The following PRKCE variants were observed in gnomAD, a reference collection of about 807,000 sequenced individuals.
PRKCE encodes protein kinase C epsilon.
Under a neutral mutation model 85.4 loss-of-function variants are expected in PRKCE, and 16 were observed. The observed-to-expected ratio is 0.19, with a 90% confidence interval of 0.13 to 0.28. The LOEUF is 0.28. PRKCE is among the 10% of genes least tolerant of loss of function. PRKCE has a pLI of 1.00. For missense variants in PRKCE, 573 were observed against 975.2 expected, an observed-to-expected ratio of 0.59 and a Z score of 5.49; for synonymous variants, 388 against 371.5, an observed-to-expected ratio of 1.04 and a Z score of -0.51.
At chr2:46,165,221 G>C (rs192429127) in intron 14 of PRKCE, among the ~76,000 whole-genome samples, 126 of 152,254 alleles carry the variant, frequency 8.3e-4, no homozygotes, top group Non-Finnish European at 1.7e-3. Flanking sequence ...CCTGTCTTTC[G>C]TTCTCTCAGC....
intron 2 of PRKCE, among the ~76,000 whole-genome samples, chr2:45,871,851 G>A (rs1016812007): frequency 2.6e-5 from 4 of 152,152 alleles, no homozygotes; most frequent in Admixed American, 6.5e-5. Flanking sequence ...TACACACTGC[G>A]GAGTTTGATG....
At chr2:46,066,421 G>T (rs995960725) in intron 10 of PRKCE, among the ~76,000 whole-genome samples, 1 of 152,120 alleles carries the variant, frequency 6.6e-6, no homozygotes, top group Non-Finnish European at 1.5e-5. Flanking sequence ...GGTTGAATTG[G>T]CTAAGGCTGT....
intron 1 of PRKCE, among the ~76,000 whole-genome samples, chr2:45,739,853 T>C (rs1558617520): frequency 6.6e-6 from 1 of 152,338 alleles, no homozygotes; most frequent in East Asian, 1.9e-4. Context: ...TAAATTATAC[T>C]TGAATAAAAA....
At chr2:45,918,196 C>G (rs925853695) in intron 2 of PRKCE, among the ~76,000 whole-genome samples, 1 of 152,138 alleles carries the variant, frequency 6.6e-6, no homozygotes, top group Non-Finnish European at 1.5e-5. Context: ...GCACCGAGAG[C>G]GAGCGAGGGC....
chr2:45,655,605 C>T (rs1401878724), intron 1 of PRKCE, among the ~76,000 whole-genome samples: 9 of 151,998 alleles, frequency 5.9e-5, no homozygotes, highest in East Asian at 1.9e-4. Context: ...CTGGGAGGAC[C>T]GTTTGAGTCC....
At chr2:46,171,824 C>G (rs1678928491) in intron 14 of PRKCE, among the ~76,000 whole-genome samples, 1 of 152,160 alleles carries the variant, frequency 6.6e-6, no homozygotes. Context: ...AAACACAAGG[C>G]AGATGCGCAT....
chr2:45,745,473 T>G (rs892695938), intron 1 of PRKCE, among the ~76,000 whole-genome samples: 2 of 152,196 alleles, frequency 1.3e-5, no homozygotes, highest in African/African-American at 4.8e-5. Context: ...CGCTCTGCCC[T>G]TGGGAGACCT....
intron 2 of PRKCE, among the ~76,000 whole-genome samples, chr2:45,880,605 C>T (rs1352855959): frequency 2.0e-5 from 3 of 151,720 alleles, no homozygotes; most frequent in African/African-American, 7.3e-5. Flanking sequence ...CTGTTTACTC[C>T]CTGGACAGCA....
chr2:45,761,396 A>G (rs1471503394), intron 1 of PRKCE, among the ~76,000 whole-genome samples: 1 of 151,730 alleles, frequency 6.6e-6, no homozygotes, highest in African/African-American at 2.4e-5. Flanking sequence ...GCTTTGCCTC[A>G]ATTCCTCCTA....
At chr2:46,029,522 C>T (rs947460895) in intron 10 of PRKCE, among the ~76,000 whole-genome samples, 1 of 152,156 alleles carries the variant, frequency 6.6e-6, no homozygotes, top group Non-Finnish European at 1.5e-5. Context: ...CCACTAACGC[C>T]ACCCTTTGTG....
Position 46,001,666 on chromosome 2 carries a change from G to C in PRKCE, c.966+120G>C. On this transcript the variant is annotated intron_variant, in intron 7 of 14. Coordinates refer to ENST00000306156, the MANE Select transcript of PRKCE (RefSeq NM_005400.3). This position sits in a 1 kb window ranked among gnomAD's most constrained non-coding sequence, Gnocchi z 4.4. ...TCCTGGGTTTGAGGTATTTTACTCA[G>C]AACTGCAGTACTTAAAGAAAAAAAC... 8.5e-7 allele frequency: 1 copy of C among 1,169,766 alleles called. No individual in the cohort carries two copies. Among genetic ancestry groups the C allele is most frequent in the Non-Finnish European group, 1.1e-6 (1 of 879,770 alleles). 72.5% of individuals were successfully genotyped at this position (1,169,766 alleles called of 1,614,324 possible).
At chr2:45,925,174 T>C (rs578262141) in intron 2 of PRKCE, among the ~76,000 whole-genome samples, 1 of 152,344 alleles carries the variant, frequency 6.6e-6, no homozygotes, top group East Asian at 1.9e-4. Context: ...ATGTCCAGTT[T>C]CTCATTTCCA....
intron 5 of PRKCE, among the ~76,000 whole-genome samples, chr2:45,982,253 A>G (rs1052777383): frequency 6.2e-5 from 9 of 145,934 alleles, no homozygotes; most frequent in African/African-American, 2.3e-4. Context: ...ACTGCTGGGG[A>G]CCAAACTTTG....
chr2:46,004,607 C>A lies in PRKCE; in HGVS notation c.1032C>A (p.Ser344=). Residue 344 remains serine (S), a synonymous_variant, in exon 8 of 15, where the codon TCC becomes TCA. Transcript: ENST00000306156. The surrounding 1 kb of genome is among the most constrained non-coding windows in gnomAD (Gnocchi z 4.1). ...SGSSPSEEDR[S]KSAPTSPCDQ... is the part of the protein sequence containing the mutation. ...GCTCACCATCTGAGGAAGATCGATC[C>A]AAGTCAGCACCCACCTCCCCTTGTG... 6.3e-7 allele frequency: 1 copy of A among 1,590,572 alleles called. No individual in the cohort carries two copies. The highest frequency in any genetic ancestry group is 8.5e-7 in the Non-Finnish European group (1 of 1,175,712).
intron 10 of PRKCE, among the ~76,000 whole-genome samples, chr2:46,084,458 T>C (rs368986256): frequency 6.6e-6 from 1 of 152,166 alleles, no homozygotes; most frequent in Non-Finnish European, 1.5e-5. Context: ...GCACGGTGGC[T>C]CATGCCTATA....
chr2:46,060,778 T>C (rs7588064), intron 10 of PRKCE, among the ~76,000 whole-genome samples: 21,253 of 149,156 alleles, frequency 0.14, 2,292 homozygotes, highest in African/African-American at 0.34. Flanking sequence ...TTTTTTGTTT[T>C]TGAGACAGAG....
chr2:46,027,904 A>G (rs1292774095), intron 10 of PRKCE, among the ~76,000 whole-genome samples: 1 of 150,898 alleles, frequency 6.6e-6, no homozygotes, highest in African/African-American at 2.4e-5. Flanking sequence ...CCTTCCACCT[A>G]CCCTGGGGGA....
At position 46,145,181 on chromosome 2, in the gene PRKCE, G is replaced by A. The variant is rs1312604129; in HGVS notation, c.1681G>A (p.Gly561Ser). ...FGMCKEGILNGVTTTTFCGTP... is the reference protein window; with the variant it reads ...FGMCKEGILNSVTTTTFCGTP... ...GATGTGCAAGGAAGGGATTCTGAAT[G>A]GTGTGACGACCACCACGTTCTGTGG... is the stretch of plus-strand genomic sequence containing the variant. Residue 561 changes from glycine to serine, a missense_variant, in exon 12 of 15, where the codon GGT becomes AGT. By Grantham distance (56) the Gly-to-Ser change is moderately conservative. Coordinates refer to ENST00000306156, the MANE Select transcript of PRKCE (RefSeq NM_005400.3). This position sits in a 1 kb window ranked among gnomAD's most constrained non-coding sequence, Gnocchi z 4.6. 1.3e-6 allele frequency: 2 copies of A among 1,599,600 alleles called. No homozygotes were observed. Among genetic ancestry groups the A allele is most frequent in the Non-Finnish European group, 1.7e-6 (2 of 1,179,966 alleles).
At chr2:45,762,378 A>G (rs560982644) in intron 1 of PRKCE, among the ~76,000 whole-genome samples, 4 of 152,288 alleles carry the variant, frequency 2.6e-5, no homozygotes, top group Admixed American at 2.0e-4. Context: ...TTTTTCCCTG[A>G]TCAGTCTTCT....
Sources: allele counts gnomAD v4.1 joint callset (sites outside exome capture counted in the v4.1 genomes callset), GRCh38; gene constraint gnomAD v4.1.1; non-coding constraint Gnocchi (gnomAD v3.1); transcripts MANE v1.5; gene names NCBI Gene and HGNC (gene_info 2026-07-23, HGNC 2026-07-21).